The following CCSER1 variants were observed in gnomAD, a reference collection of about 807,000 sequenced individuals.
The protein encoded by CCSER1 is serine-rich coiled-coil domain-containing protein 1.
Under a neutral mutation model 82.0 loss-of-function variants are expected in CCSER1, and 41 were observed. The ratio of observed to expected loss-of-function variants is 0.50; its 90% CI spans 0.39 to 0.65. The LOEUF (loss-of-function observed/expected upper bound fraction) is 0.65. CCSER1 is among the 30% of genes least tolerant of loss of function. The pLI, the probability that CCSER1 is intolerant of heterozygous loss-of-function variation, is 0.00. For missense variants in CCSER1, 1,119 were observed against 1,064.2 expected (o/e 1.05, Z -0.72); for synonymous variants, 414 against 383.9 (o/e 1.08, Z -0.92).
At chr4:90,262,153 G>A (rs899141912) in intron 1 of CCSER1, among the ~76,000 whole-genome samples, 4 of 151,792 alleles carry the variant, frequency 2.6e-5, no homozygotes, top group African/African-American at 9.7e-5. Context: ...GATTTTTTGG[G>A]GATATTAAAG....
intron 1 of CCSER1, among the ~76,000 whole-genome samples, chr4:90,150,612 T>C (rs1161501757): frequency 1.3e-5 from 2 of 152,156 alleles, no homozygotes; most frequent in Non-Finnish European, 2.9e-5. Flanking sequence ...ATCACTCTTA[T>C]CAATGTCCTA....
chr4:91,372,900 C>T (rs1750141227), intron 10 of CCSER1, among the ~76,000 whole-genome samples: 1 of 152,156 alleles, frequency 6.6e-6, no homozygotes, highest in Middle Eastern at 3.4e-3. Flanking sequence ...AGTGCTGAAT[C>T]TGCTTTCAGA....
chr4:90,232,300 G>A (rs1223850547), intron 1 of CCSER1, among the ~76,000 whole-genome samples: 1 of 150,738 alleles, frequency 6.6e-6, no homozygotes, highest in Non-Finnish European at 1.5e-5. Flanking sequence ...ACAGAACAGA[G>A]CCCTCAGAAA....
At chr4:90,462,132 T>C (rs1188868106) in intron 4 of CCSER1, among the ~76,000 whole-genome samples, 1 of 152,106 alleles carries the variant, frequency 6.6e-6, no homozygotes, top group African/African-American at 2.4e-5. Flanking sequence ...AAATATTTAC[T>C]GGTTCAGTAA....
At chr4:90,889,139 G>T (rs1443756874) in intron 8 of CCSER1, among the ~76,000 whole-genome samples, 1 of 152,124 alleles carries the variant, frequency 6.6e-6, no homozygotes, top group Admixed American at 6.5e-5. Context: ...GAAAGAATCA[G>T]TATATTGTTA....
At chr4:91,470,417 A>G (rs1757206624) in intron 10 of CCSER1, among the ~76,000 whole-genome samples, 1 of 148,610 alleles carries the variant, frequency 6.7e-6, no homozygotes, top group Non-Finnish European at 1.5e-5. Context: ...TTTATTAATA[A>G]TATTTATATT....
intron 10 of CCSER1, among the ~76,000 whole-genome samples, chr4:91,541,319 G>T (rs527390247): frequency 6.6e-6 from 1 of 152,146 alleles, no homozygotes; most frequent in African/African-American, 2.4e-5. Flanking sequence ...ATGTTGGTGC[G>T]CTGCACCCAT....
intron 10 of CCSER1, among the ~76,000 whole-genome samples, chr4:91,260,647 C>T (rs927483191): frequency 1.3e-5 from 2 of 152,138 alleles, no homozygotes; most frequent in Non-Finnish European, 2.9e-5. Context: ...AGTCTTCTTA[C>T]GGCAAAAGAC....
At chr4:91,472,623 T>A (rs1757344992) in intron 10 of CCSER1, among the ~76,000 whole-genome samples, 1 of 152,218 alleles carries the variant, frequency 6.6e-6, no homozygotes, top group Non-Finnish European at 1.5e-5. Context: ...ACCACTGATA[T>A]CTTGAGATTG....
intron 4 of CCSER1, among the ~76,000 whole-genome samples, chr4:90,457,828 C>T (rs77049589): frequency 0.036 from 5,534 of 152,268 alleles, 149 homozygotes; most frequent in Middle Eastern, 0.088. Context: ...AGGGACCCAC[C>T]TCTTTCCACC....
intron 1 of CCSER1, among the ~76,000 whole-genome samples, chr4:90,203,714 G>A (rs866305704): frequency 6.6e-6 from 1 of 152,064 alleles, no homozygotes; most frequent in Non-Finnish European, 1.5e-5. Flanking sequence ...CCAAGTAATG[G>A]GATTGCTGGG....
chr4:90,875,218 C>T (rs1767050811), intron 8 of CCSER1, among the ~76,000 whole-genome samples: 3 of 152,100 alleles, frequency 2.0e-5, no homozygotes, highest in Admixed American at 6.6e-5. Context: ...ACGTGTTGCA[C>T]ATCACATCAA....
intron 10 of CCSER1, among the ~76,000 whole-genome samples, chr4:91,146,536 A>T (rs1420249166): frequency 2.0e-5 from 3 of 149,192 alleles, no homozygotes; most frequent in African/African-American, 7.4e-5. Context: ...ATTCTTTCTC[A>T]TCTGAGGGTG....
chr4:90,256,919 TTAA>T (rs1296584989), intron 1 of CCSER1, among the ~76,000 whole-genome samples: 2 of 152,096 alleles, frequency 1.3e-5, no homozygotes, highest in Non-Finnish European at 2.9e-5. Flanking sequence ...ATAATTATTA[TTAA>T]TCTCATTGTT....
chr4:91,232,534 A>G (rs2149117992), intron 10 of CCSER1, among the ~76,000 whole-genome samples: 1 of 151,912 alleles, frequency 6.6e-6, no homozygotes, highest in South Asian at 2.1e-4. Context: ...CTATGCCTAT[A>G]ATAACTAGTT....
At chr4:90,809,798 A>G (rs986846617) in intron 7 of CCSER1, among the ~76,000 whole-genome samples, 2 of 152,130 alleles carry the variant, frequency 1.3e-5, no homozygotes, top group Non-Finnish European at 2.9e-5. Flanking sequence ...AGGCCGAGGC[A>G]GGAAGATTAC....
At chr4:90,550,217 C>A (rs1224355426) in intron 5 of CCSER1, among the ~76,000 whole-genome samples, 1 of 152,054 alleles carries the variant, frequency 6.6e-6, no homozygotes, top group Non-Finnish European at 1.5e-5. Flanking sequence ...GCTAAACTTT[C>A]TTTTTCAAGG....
At chr4:90,913,747 A>C (rs1411920152) in intron 8 of CCSER1, among the ~76,000 whole-genome samples, 1 of 152,160 alleles carries the variant, frequency 6.6e-6, no homozygotes, top group African/African-American at 2.4e-5. Flanking sequence ...CAGGAAACCC[A>C]TCTCACGTGC....
At chr4:91,355,087 C>A (rs776771523) in intron 10 of CCSER1, among the ~76,000 whole-genome samples, 1 of 152,032 alleles carries the variant, frequency 6.6e-6, no homozygotes, top group Non-Finnish European at 1.5e-5. Flanking sequence ...GAGGGGCTGC[C>A]TTTTCCTTTG....
Sources: allele counts gnomAD v4.1 joint callset (sites outside exome capture counted in the v4.1 genomes callset), GRCh38; gene constraint gnomAD v4.1.1; transcripts MANE v1.5; gene names NCBI Gene and HGNC (gene_info 2026-07-23, HGNC 2026-07-21).